The following TANGO6 variants were observed in gnomAD, a reference collection of about 807,000 sequenced individuals.
TANGO6 encodes transport and Golgi organization protein 6 homolog.
Under a neutral mutation model 114.2 loss-of-function variants are expected in TANGO6, and 90 were observed. The observed-to-expected ratio is 0.79, with a 90% CI of 0.66 to 0.94. The LOEUF (loss-of-function observed/expected upper bound fraction) is 0.94, where lower values mean the gene tolerates loss of function less well. Ranked by LOEUF, TANGO6 falls within the 40% of genes least tolerant of loss-of-function variation. The pLI, the probability that TANGO6 is intolerant of heterozygous loss-of-function variation, is 0.00. For missense variants in TANGO6, 1,274 were observed against 1,315.3 expected (o/e 0.97, Z 0.49); for synonymous variants, 477 against 509.8 (o/e 0.94, Z 0.87).
intron 17 of TANGO6, among the ~76,000 whole-genome samples, chr16:69,042,641 C>A (rs1959791613): frequency 6.6e-6 from 1 of 152,098 alleles, no homozygotes. Flanking sequence ...TTACTTAGGA[C>A]CTTGATGGGG....
chr16:68,944,553 C>T (rs955748053), intron 14 of TANGO6, among the ~76,000 whole-genome samples: 8 of 152,138 alleles, frequency 5.3e-5, no homozygotes, highest in African/African-American at 1.7e-4. Context: ...AGACCCTTCT[C>T]TAAGCAAATC....
At chr16:68,965,154 T>TTTTG (rs144863107) in intron 14 of TANGO6, among the ~76,000 whole-genome samples, 22,628 of 151,930 alleles carry the variant, frequency 0.15, 2,301 homozygotes, top group African/African-American at 0.29. Context: ...GATTTTCTTT[T>TTTTG]TTTGTTTGTT....
intron 1 of TANGO6, among the ~76,000 whole-genome samples, chr16:68,851,069 A>T (rs961879186): frequency 6.6e-6 from 1 of 152,148 alleles, no homozygotes; most frequent in Non-Finnish European, 1.5e-5. Context: ...TTTTGAAAAG[A>T]CATGCAAATA....
chr16:68,969,653 C>A (rs1264068001), intron 14 of TANGO6, among the ~76,000 whole-genome samples: 5 of 150,456 alleles, frequency 3.3e-5, no homozygotes, highest in Non-Finnish European at 7.4e-5. Context: ...ACTAAAAGCT[C>A]CCTAATGAGT....
chr16:69,072,378 T>G (rs79764064), intron 17 of TANGO6, among the ~76,000 whole-genome samples: 3,846 of 152,184 alleles, frequency 0.025, 164 homozygotes, highest in African/African-American at 0.087. Flanking sequence ...CACCTTGCCC[T>G]GGAGTCCTTG....
chr16:68,982,630 CTTTTTTT>C (rs562523656), intron 15 of TANGO6, among the ~76,000 whole-genome samples: 27 of 105,300 alleles, frequency 2.6e-4, no homozygotes, highest in Admixed American at 4.7e-4. Flanking sequence ...ATGCCCTGGC[CTTTTTTT>C]TTTTTTTTTT....
chr16:69,070,266 G>A (rs9928502), intron 17 of TANGO6, among the ~76,000 whole-genome samples: 1 of 151,984 alleles, frequency 6.6e-6, no homozygotes, highest in Non-Finnish European at 1.5e-5. Flanking sequence ...TCCATAGACA[G>A]AGTAGGGCAT....
At chr16:68,922,308 C>T (rs781620405) in intron 12 of TANGO6, among the ~76,000 whole-genome samples, 47 of 151,766 alleles carry the variant, frequency 3.1e-4, no homozygotes, top group East Asian at 5.8e-4. Flanking sequence ...GAGGCCAAGT[C>T]GGGTGGATCA....
chr16:69,024,025 A>T (rs1959457940), intron 16 of TANGO6, among the ~76,000 whole-genome samples: 1 of 148,276 alleles, frequency 6.7e-6, no homozygotes, highest in African/African-American at 2.5e-5. Context: ...CTCCTGCCTC[A>T]GCCTCCCATG....
intron 4 of TANGO6, 27 bp downstream of exon 4, chr16:68,867,247 T>G (rs760436934): frequency 6.2e-7 from 1 of 1,613,212 alleles, no homozygotes; most frequent in South Asian, 1.1e-5. Context: ...TGCTGTGACT[T>G]TGGTATCTGT....
intron 15 of TANGO6, among the ~76,000 whole-genome samples, chr16:69,019,154 T>G (rs1020772651): frequency 1.2e-4 from 18 of 152,212 alleles, no homozygotes; most frequent in African/African-American, 4.3e-4. Context: ...CTATATGAAT[T>G]TTTTAGTTTA....
At chr16:68,925,259 A>C (rs1294421733) in intron 12 of TANGO6, among the ~76,000 whole-genome samples, 2 of 151,746 alleles carry the variant, frequency 1.3e-5, no homozygotes, top group African/African-American at 4.8e-5. Flanking sequence ...GCAGTGAGCC[A>C]AGATTGTGCC....
At chr16:68,930,142 G>A in intron 13 of TANGO6, 96 bp from the exon 14 acceptor site, 2 of 1,045,382 alleles carry the variant, frequency 1.9e-6, no homozygotes, top group South Asian at 2.9e-5. Context: ...AAAACAAGAA[G>A]CGAAGCATTT....
chr16:68,947,065 C>T (rs1003491710), intron 14 of TANGO6, among the ~76,000 whole-genome samples: 3 of 152,074 alleles, frequency 2.0e-5, no homozygotes, highest in Non-Finnish European at 4.4e-5. Flanking sequence ...TGTTCTTGGC[C>T]TCTTAATCTT....
At chr16:69,081,997 T>C (rs750460296) in intron 17 of TANGO6, among the ~76,000 whole-genome samples, 10 of 151,670 alleles carry the variant, frequency 6.6e-5, no homozygotes, top group Non-Finnish European at 1.2e-4. Context: ...TTTTTTAAGA[T>C]GGAGTCTAGC....
intron 15 of TANGO6, among the ~76,000 whole-genome samples, chr16:68,995,308 A>G (rs1171068064): frequency 2.0e-5 from 3 of 152,214 alleles, no homozygotes; most frequent in Non-Finnish European, 4.4e-5. Flanking sequence ...ATCAACAATT[A>G]GCCTTAGGGA....
intron 17 of TANGO6, among the ~76,000 whole-genome samples, chr16:69,074,505 G>A (rs531306900): frequency 2.6e-5 from 4 of 152,146 alleles, no homozygotes; most frequent in Admixed American, 6.6e-5. Context: ...TATATGGGGC[G>A]ATGTGCTCTG....
intron 14 of TANGO6, chr16:68,937,462 C>T (rs956820675): frequency 2.6e-5 from 4 of 152,182 alleles, no homozygotes; most frequent in African/African-American, 7.2e-5. Flanking sequence ...TTTCTAGTGT[C>T]TTTAAAGAGT....
At position 68,920,891 on chromosome 16, in the gene TANGO6, A is replaced by G. The variant is rs190919024; in HGVS notation, c.2127+1672A>G. On this transcript the variant is annotated intron_variant, in intron 12 of 17. Transcript: ENST00000261778. Reference sequence around the variant, plus strand: ...AGGTTTGGGAGGCCGAGGTGGGCGGATCAGGAGGTCAGGAGATCGAGACCA... The same window carrying G: ...AGGTTTGGGAGGCCGAGGTGGGCGGGTCAGGAGGTCAGGAGATCGAGACCA... Among the ~76,000 whole-genome samples, 783 of 151,998 alleles carry G rather than the reference A, an allele frequency of 5.2e-3. 6 individuals are homozygous for G. Among genetic ancestry groups the G allele is most frequent in the African/African-American group, 0.017 (712 of 41,504 alleles).
Sources: gnomAD v4.1 joint callset for allele counts (sites outside exome capture counted in the v4.1 genomes callset) on GRCh38, gnomAD v4.1.1 for gene constraint, MANE v1.5 for transcripts, NCBI Gene and HGNC (gene_info 2026-07-23, HGNC 2026-07-21) for gene names.